The following TRAPPC6B variants were observed in gnomAD, a reference collection of about 807,000 sequenced individuals.
TRAPPC6B encodes the protein TRAPP complex subunit 6B.
A neutral mutation model predicts 24.7 loss-of-function variants in TRAPPC6B; 27 were observed. That is an observed-to-expected ratio of 1.09 (90% CI 0.81 to 1.51). The LOEUF is 1.51. Ranked by LOEUF, TRAPPC6B falls within the 40% of genes most tolerant of loss-of-function variation. TRAPPC6B has a pLI of 0.00. For missense variants in TRAPPC6B, 212 were observed against 190.8 expected, an observed-to-expected ratio of 1.11 and a Z score of -0.66; for synonymous variants, 80 against 66.6, an observed-to-expected ratio of 1.20 and a Z score of -0.98.
intron 1 of TRAPPC6B, among the ~76,000 whole-genome samples, chr14:39,166,718 AAAT>A (rs1479186248): frequency 6.6e-6 from 1 of 152,184 alleles, no homozygotes; most frequent in Non-Finnish European, 1.5e-5. Flanking sequence ...TTACTCCTGT[AAAT>A]AATATCACTA....
chr14:39,162,681 C>T (rs926777552), intron 1 of TRAPPC6B, among the ~76,000 whole-genome samples: 2 of 152,196 alleles, frequency 1.3e-5, no homozygotes, highest in Non-Finnish European at 2.9e-5. Context: ...ATCCAGGCTT[C>T]CCAGTTCTCA....
At chr14:39,160,373 C>T (rs1225262937) in intron 1 of TRAPPC6B, among the ~76,000 whole-genome samples, 2 of 152,142 alleles carry the variant, frequency 1.3e-5, no homozygotes, top group South Asian at 2.1e-4. Flanking sequence ...AGCTCAATGG[C>T]TCAAGACCAG....
In TRAPPC6B at chr14:39,165,873, G is replaced by A. The variant is rs540225339; in HGVS notation, c.81+4142C>T. Among the ~76,000 whole-genome samples, 6 of 151,948 alleles carry A rather than the reference G, an allele frequency of 3.9e-5. No homozygotes were observed. The East Asian group carries it at 1.2e-3, about 29-fold the overall frequency. ...GGTTGGAGTGCAGTGACACAATCTC[G>A]GCTCAATGCAACCTCCGCCTCCTGG... On this transcript the variant is annotated intron_variant, in intron 1 of 5. Transcript: ENST00000330149.
rs1261045135 is a variant in TRAPPC6B, at chr14:39,170,077, A to G, written c.19T>C (p.Phe7Leu). ...ACCATCTCGTTATGGAGAAGCAAAA[A>G]CAACGCCTCATCCGCCATTTCCTGC... MADEAL[F>L]LLLHNEMVSG... is the part of the protein sequence containing the mutation. Residue 7 changes from phenylalanine (F) to leucine (L), a missense_variant, in exon 1 of 6, where the codon TTT (phenylalanine) becomes CTT (leucine). Physicochemically the swap from Phe to Leu is conservative, Grantham distance 22. Transcript: ENST00000330149. The G allele has an allele frequency of 1.4e-5, 23 of 1,614,052 alleles. No individual in the cohort carries two copies. Among genetic ancestry groups the G allele is most frequent in the Non-Finnish European group, 1.9e-5 (23 of 1,180,020 alleles).
chr14:39,151,858 A>G lies in TRAPPC6B; in HGVS notation c.352-19T>C. ...CTAAATACTAAAAGGAAAAAAAATC[A>G]TTAAAAATAGTAAGGATTTACTAAA... On this transcript the variant is annotated intron_variant, in intron 4 of 5. Coordinates refer to ENST00000330149, the MANE Select transcript of TRAPPC6B (RefSeq NM_001079537.2). 1 of 1,512,122 alleles carries G rather than the reference A, an allele frequency of 6.6e-7. No homozygotes were observed. Among genetic ancestry groups the G allele is most frequent in the Non-Finnish European group, 9.0e-7 (1 of 1,105,744 alleles). The allele number at this position is 1,512,122 out of a possible 1,614,324, so 93.7% of individuals were successfully genotyped here. A position where few individuals can be genotyped will look rare whatever the true frequency, so the allele number is the denominator to read the frequency against.
chr14:39,169,987 G>A, intron 1 of TRAPPC6B, 28 bp downstream of exon 1: 3 of 1,610,236 alleles, frequency 1.9e-6, no homozygotes, highest in Non-Finnish European at 2.5e-6. Context: ...ACCGCAAAAG[G>A]ACCTCAAGGT....
At chr14:39,160,611 A>AGAGGGGAGGG (rs369058906) in intron 1 of TRAPPC6B, among the ~76,000 whole-genome samples, 1 of 141,544 alleles carries the variant, frequency 7.1e-6, no homozygotes, top group African/African-American at 2.6e-5. Flanking sequence ...AAAGAAAAGA[A>AGAGGGGAGGG]GAGGGGAGGG....
At chr14:39,166,244 G>T (rs2053106897) in intron 1 of TRAPPC6B, among the ~76,000 whole-genome samples, 2 of 143,264 alleles carry the variant, frequency 1.4e-5, no homozygotes, top group African/African-American at 2.6e-5. Flanking sequence ...CTAACCCAGA[G>T]ACTTGTCTCT....
intron 3 of TRAPPC6B, 80 bp from the exon 4 acceptor site, chr14:39,154,374 T>C: frequency 1.1e-6 from 1 of 917,252 alleles, no homozygotes; most frequent in African/African-American, 1.7e-5. Context: ...TGAAACAATT[T>C]AAGTGTTTTT....
chr14:39,168,764 T>A (rs1439058225), intron 1 of TRAPPC6B, among the ~76,000 whole-genome samples: 1 of 152,316 alleles, frequency 6.6e-6, no homozygotes, highest in Non-Finnish European at 1.5e-5. Flanking sequence ...ATCTGTTATC[T>A]CCTTTTCTCA....
intron 1 of TRAPPC6B, among the ~76,000 whole-genome samples, chr14:39,165,585 AG>A (rs2053099952): frequency 6.6e-6 from 1 of 152,182 alleles, no homozygotes; most frequent in South Asian, 2.1e-4. Context: ...ACTTGAGACT[AG>A]GAGTCTGAGA....
intron 3 of TRAPPC6B, chr14:39,157,254 G>A: frequency 8.2e-6 from 3 of 365,278 alleles, no homozygotes; most frequent in Non-Finnish European, 1.6e-5. Flanking sequence ...GGTTGCAGTG[G>A]CACAAAGCCA....
intron 4 of TRAPPC6B, among the ~76,000 whole-genome samples, chr14:39,152,994 C>G (rs1277434348): frequency 6.6e-6 from 1 of 152,054 alleles, no homozygotes; most frequent in Non-Finnish European, 1.5e-5. Context: ...CTTTGGGAGG[C>G]TGTAATCCCA....
At chr14:39,159,261 CTAAAATATA>C (rs1311240577) in intron 2 of TRAPPC6B, 1 of 241,108 alleles carries the variant, frequency 4.1e-6, no homozygotes, top group African/African-American at 2.3e-5. Flanking sequence ...GGAAGAAAGT[CTAAAATATA>C]TAAAATATAT....
At position 39,170,231 on chromosome 14, in the gene TRAPPC6B, G is replaced by A; in HGVS notation, c.-136C>T. ...ATTCTATCCCTGTGGCTAAGAGACCGAGGTATTCACACGACTTCCCAAAGG... is the reference window on the plus strand; with the variant it reads ...ATTCTATCCCTGTGGCTAAGAGACCAAGGTATTCACACGACTTCCCAAAGG... On this transcript the variant is annotated 5_prime_UTR_variant, in exon 1 of 6. Transcript: ENST00000330149. 1 of 749,960 alleles carries A rather than the reference G, an allele frequency of 1.3e-6. No individual in the cohort carries two copies. The highest frequency in any genetic ancestry group is 2.2e-6 in the Non-Finnish European group (1 of 452,234). 46.5% of individuals were successfully genotyped at this position (749,960 alleles called of 1,614,324 possible). A position where few individuals can be genotyped will look rare whatever the true frequency, so the allele number is the denominator to read the frequency against.
chr14:39,161,770 A>G (rs1189929106), intron 1 of TRAPPC6B, among the ~76,000 whole-genome samples: 1 of 152,050 alleles, frequency 6.6e-6, no homozygotes, highest in Non-Finnish European at 1.5e-5. Context: ...CAGCACCCCA[A>G]TGACTGTGCT....
chr14:39,150,465 A>T, intron 5 of TRAPPC6B, 84 bp from the exon 6 acceptor site: 1 of 1,018,264 alleles, frequency 9.8e-7, no homozygotes, highest in South Asian at 1.5e-5. Context: ...CCATATAGGA[A>T]ATAGTTTCAG....
chr14:39,150,115 C>G lies in TRAPPC6B; in HGVS notation c.*235G>C. Reference sequence around the variant, plus strand: ...AATAAAAAGGTTTAAAATAAGGGCCCTGCATCTTGGTGTCTGGTTATTTGA... The same window carrying G: ...AATAAAAAGGTTTAAAATAAGGGCCGTGCATCTTGGTGTCTGGTTATTTGA... On this transcript the variant is annotated 3_prime_UTR_variant, in exon 6 of 6. Coordinates refer to ENST00000330149, the MANE Select transcript of TRAPPC6B (RefSeq NM_001079537.2). The G allele has an allele frequency of 2.4e-6, 1 of 424,966 alleles. No individual in the cohort carries two copies. Among genetic ancestry groups the G allele is most frequent in the Non-Finnish European group, 4.1e-6 (1 of 243,008 alleles). 26.3% of individuals were successfully genotyped at this position (424,966 alleles called of 1,614,324 possible).
At chr14:39,159,272 A>G (rs916179777) in intron 2 of TRAPPC6B, 2 of 259,386 alleles carry the variant, frequency 7.7e-6, no homozygotes, top group African/African-American at 4.5e-5. Context: ...TAAAATATAT[A>G]AAATATATAT....
Sources: gnomAD v4.1 joint callset for allele counts (sites outside exome capture counted in the v4.1 genomes callset) on GRCh38, gnomAD v4.1.1 for gene constraint, MANE v1.5 for transcripts, NCBI Gene and HGNC (gene_info 2026-07-23, HGNC 2026-07-21) for gene names.